The following KLF12 variants were observed in gnomAD, a reference collection of about 807,000 sequenced individuals.
KLF12 encodes the protein KLF transcription factor 12.
In KLF12, 9 loss-of-function variants were observed where a neutral mutation model predicts 37.8. The observed-to-expected ratio is 0.24, with a 90% CI of 0.14 to 0.42. The LOEUF (loss-of-function observed/expected upper bound fraction) is 0.42. Ranked by LOEUF, KLF12 falls within the 10% of genes least tolerant of loss-of-function variation. KLF12 has a pLI of 1.00. For missense variants in KLF12, 411 were observed against 516.0 expected (o/e 0.80, Z 1.97); for synonymous variants, 208 against 202.1 (o/e 1.03, Z -0.25).
At chr13:73,861,555 G>C (rs1016244700) in intron 3 of KLF12, among the ~76,000 whole-genome samples, 3 of 152,218 alleles carry the variant, frequency 2.0e-5, no homozygotes, top group African/African-American at 7.2e-5. Context: ...GATTGAAGCA[G>C]TGACAAGACA....
At chr13:74,037,382 T>C (rs1261624696) in intron 1 of KLF12, among the ~76,000 whole-genome samples, 1 of 152,028 alleles carries the variant, frequency 6.6e-6, no homozygotes, top group Admixed American at 6.6e-5. Context: ...CGGATTCCCT[T>C]ACAATACACA....
chr13:74,086,509 G>A (rs1341025398), intron 1 of KLF12, among the ~76,000 whole-genome samples: 1 of 152,004 alleles, frequency 6.6e-6, no homozygotes, highest in East Asian at 1.9e-4. Context: ...TCTTAATCCA[G>A]TCTATCATTG....
At chr13:74,158,576 C>T in the KLF12 span, among the ~76,000 whole-genome samples, 1 of 152,092 alleles carries the variant, frequency 6.6e-6, no homozygotes, top group South Asian at 2.1e-4. Context: ...AAGTGAGTCC[C>T]AGAGAGAAAG....
chr13:73,820,641 A>G (rs542070360), intron 4 of KLF12, among the ~76,000 whole-genome samples: 120 of 152,310 alleles, frequency 7.9e-4, no homozygotes, highest in African/African-American at 2.7e-3. Flanking sequence ...CAGTTATGTA[A>G]ATCTTGGGAT....
At chr13:73,902,256 G>A (rs982318459) in intron 3 of KLF12, among the ~76,000 whole-genome samples, 1 of 152,136 alleles carries the variant, frequency 6.6e-6, no homozygotes, top group African/African-American at 2.4e-5. Flanking sequence ...AACTGTACAG[G>A]AGAGTATAAA....
chr13:74,260,629 A>AAAAT, the KLF12 span, among the ~76,000 whole-genome samples: 3 of 63,862 alleles, frequency 4.7e-5, no homozygotes, highest in African/African-American at 6.1e-4. Context: ...AAAATAAAAT[A>AAAAT]GTGAATTAAT....
chr13:73,934,312 C>T (rs1889824587), intron 3 of KLF12, among the ~76,000 whole-genome samples: 2 of 152,192 alleles, frequency 1.3e-5, no homozygotes, highest in African/African-American at 4.8e-5. Context: ...TACCACTTCA[C>T]AAGTGGTGGG....
chr13:73,826,391 C>G (rs765844922), intron 4 of KLF12, among the ~76,000 whole-genome samples: 37 of 152,152 alleles, frequency 2.4e-4, no homozygotes, highest in Non-Finnish European at 4.6e-4. Context: ...TATAAACAAC[C>G]ATTTAACATA....
chr13:74,042,464 C>T (rs1893432890), intron 1 of KLF12, among the ~76,000 whole-genome samples: 1 of 152,122 alleles, frequency 6.6e-6, no homozygotes, highest in Non-Finnish European at 1.5e-5. Context: ...CATGTTTTTA[C>T]CGTAACAAAG....
chr13:74,068,251 G>GT (rs1181988227), intron 1 of KLF12, among the ~76,000 whole-genome samples: 1 of 152,156 alleles, frequency 6.6e-6, no homozygotes, highest in Non-Finnish European at 1.5e-5. Context: ...AAAATAAGTT[G>GT]TATGTTTTGA....
the KLF12 span, among the ~76,000 whole-genome samples, chr13:74,154,179 G>C: frequency 6.8e-6 from 1 of 147,024 alleles, no homozygotes; most frequent in Admixed American, 6.8e-5. Flanking sequence ...AGGTTGCAGT[G>C]AGCCGAGATC....
the KLF12 span, among the ~76,000 whole-genome samples, chr13:74,268,900 G>A: frequency 1.3e-5 from 2 of 152,186 alleles, no homozygotes; most frequent in African/African-American, 4.8e-5. Flanking sequence ...ATACTAAAAA[G>A]AGGGATTATA....
At chr13:74,290,883 G>T in the KLF12 span, among the ~76,000 whole-genome samples, 1 of 152,142 alleles carries the variant, frequency 6.6e-6, no homozygotes, top group South Asian at 2.1e-4. Flanking sequence ...CATAGGAAAA[G>T]TCTGTTTTTT....
intron 6 of KLF12, among the ~76,000 whole-genome samples, chr13:73,728,609 G>A (rs1306631073): frequency 6.6e-6 from 1 of 152,180 alleles, no homozygotes. Context: ...TATTCCTAGT[G>A]TACTGAGTGT....
At chr13:73,784,128 A>G (rs1388019486) in intron 5 of KLF12, among the ~76,000 whole-genome samples, 2 of 152,180 alleles carry the variant, frequency 1.3e-5, no homozygotes, top group African/African-American at 4.8e-5. Flanking sequence ...AAATTAAAAG[A>G]AGGAAAAGAA....
chr13:73,703,554 G>C (rs1161774739), intron 7 of KLF12, among the ~76,000 whole-genome samples: 1 of 152,048 alleles, frequency 6.6e-6, no homozygotes, highest in Non-Finnish European at 1.5e-5. Context: ...AAGACCAAGT[G>C]GGTTCCTTCT....
At chr13:74,201,774 A>G in the KLF12 span, among the ~76,000 whole-genome samples, 393 of 152,224 alleles carry the variant, frequency 2.6e-3, 3 homozygotes, top group African/African-American at 8.9e-3. Context: ...CAAGCAGGGC[A>G]TTAATTTTAA....
chr13:74,041,428 GGAT>G (rs1249723335), intron 1 of KLF12, among the ~76,000 whole-genome samples: 1 of 152,134 alleles, frequency 6.6e-6, no homozygotes, highest in African/African-American at 2.4e-5. Context: ...ACGGCTCACA[GGAT>G]GAGATTAATA....
chr13:73,957,104 A>AGGAAAG (rs879939473), intron 2 of KLF12, among the ~76,000 whole-genome samples: 1 of 130,792 alleles, frequency 7.6e-6, no homozygotes, highest in East Asian at 2.2e-4. Context: ...AGGAAAGGAA[A>AGGAAAG]GAAAGGAAAA....
Sources: gnomAD v4.1 joint callset for allele counts (sites outside exome capture counted in the v4.1 genomes callset) on GRCh38, gnomAD v4.1.1 for gene constraint, MANE v1.5 for transcripts, NCBI Gene and HGNC (gene_info 2026-07-23, HGNC 2026-07-21) for gene names.